The following OPCML variants were observed in gnomAD, a reference collection of about 807,000 sequenced individuals.
The protein encoded by OPCML is opioid binding protein/cell adhesion molecule like.
In OPCML, 13 loss-of-function variants were observed where a neutral mutation model predicts 37.8. The observed-to-expected ratio is 0.34, with a 90% CI of 0.22 to 0.55. OPCML has a LOEUF of 0.55. Ranked by LOEUF, OPCML falls within the 20% of genes least tolerant of loss-of-function variation. The probability of loss-of-function intolerance (pLI) is 0.91; values close to 1 mark genes in which losing one functional copy is unlikely to be tolerated. For synonymous variants in OPCML, 176 were observed against 168.8 expected (o/e 1.04, Z -0.33); for missense variants, 341 against 435.6 (o/e 0.78, Z 1.93).
At chr11:132,739,061 C>T (rs1433980635) in intron 2 of OPCML, among the ~76,000 whole-genome samples, 4 of 152,208 alleles carry the variant, frequency 2.6e-5, no homozygotes, top group African/African-American at 9.7e-5. Context: ...GATAACTCGA[C>T]TCCTATCAGC....
Position 132,650,069 on chromosome 11 carries a change from T to C in OPCML, c.379+7018A>G, listed in dbSNP as rs568365438. ...TCCACCCCACTGTCCATTAAATATG[T>C]GTCCGCTTGACGTGGGTTGTGGAGG... is the stretch of plus-strand genomic sequence containing the variant. On this transcript the variant is annotated intron_variant, in intron 3 of 7. Coordinates refer to ENST00000524381, the MANE Select transcript of OPCML (RefSeq NM_001012393.5). 5.9e-5 allele frequency among the ~76,000 whole-genome samples: 9 copies of C among 152,280 alleles called. No homozygotes were observed. The South Asian group carries it at 1.7e-3, about 28-fold the overall frequency.
chr11:132,436,020 C>A, intron 7 of OPCML, 66 bp downstream of exon 7: 1 of 1,537,304 alleles, frequency 6.5e-7, no homozygotes, highest in Admixed American at 2.0e-5. Context: ...GCAACTTCCT[C>A]CCTCCTGAGT....
At chr11:132,603,317 T>A (rs1938052174) in intron 3 of OPCML, among the ~76,000 whole-genome samples, 1 of 152,204 alleles carries the variant, frequency 6.6e-6, no homozygotes, top group African/African-American at 2.4e-5. Flanking sequence ...ACTCCTGTGC[T>A]TGTATCTTGT....
At chr11:133,343,285 C>T (rs1943918833) in intron 1 of OPCML, among the ~76,000 whole-genome samples, 1 of 152,174 alleles carries the variant, frequency 6.6e-6, no homozygotes, top group South Asian at 2.1e-4. Context: ...CTTTGTGTTG[C>T]CCATCCTCAC....
At chr11:133,488,679 TATCAAATTACCA>T (rs752061298) in intron 1 of OPCML, among the ~76,000 whole-genome samples, 30 of 152,174 alleles carry the variant, frequency 2.0e-4, no homozygotes, top group Admixed American at 5.2e-4. Flanking sequence ...ATGCAATCTT[TATCAAATTACCA>T]ATGTCATTTT....
At chr11:132,560,488 T>A (rs944237996) in intron 3 of OPCML, among the ~76,000 whole-genome samples, 15 of 152,170 alleles carry the variant, frequency 9.9e-5, no homozygotes, top group Admixed American at 9.2e-4. Flanking sequence ...CAATGTGTAG[T>A]CTTTTATTCC....
chr11:133,076,935 G>T (rs1359988188), intron 1 of OPCML, among the ~76,000 whole-genome samples: 1 of 152,110 alleles, frequency 6.6e-6, no homozygotes, highest in African/African-American at 2.4e-5. Flanking sequence ...GAGCTAGTGT[G>T]GGTGACCACT....
At chr11:133,460,784 C>T (rs191452880) in intron 1 of OPCML, among the ~76,000 whole-genome samples, 30 of 151,942 alleles carry the variant, frequency 2.0e-4, no homozygotes, top group South Asian at 4.2e-4. Flanking sequence ...CACCTTAAAC[C>T]GTTCCAAAAA....
At chr11:132,773,429 T>C (rs1946710072) in intron 2 of OPCML, 1 of 152,086 alleles carries the variant, frequency 6.6e-6, no homozygotes, top group Non-Finnish European at 1.5e-5. Context: ...CTGGCAGCGG[T>C]ACATTAACCT....
At chr11:133,426,352 T>C (rs1395348711) in intron 1 of OPCML, among the ~76,000 whole-genome samples, 1 of 152,074 alleles carries the variant, frequency 6.6e-6, no homozygotes, top group Admixed American at 6.5e-5. Flanking sequence ...ACAAAAATGT[T>C]TATTGAGACA....
chr11:132,647,664 T>C (rs1941223522), intron 3 of OPCML, among the ~76,000 whole-genome samples: 1 of 152,120 alleles, frequency 6.6e-6, no homozygotes. Context: ...ATTATTGTCT[T>C]AATGTTGAGT....
intron 3 of OPCML, among the ~76,000 whole-genome samples, chr11:132,536,816 C>T (rs551237284): frequency 1.3e-5 from 2 of 152,256 alleles, no homozygotes; most frequent in Admixed American, 6.5e-5. Flanking sequence ...TTGCAAAAAG[C>T]ACTGCATGAA....
chr11:133,093,814 T>C (rs1215072001), intron 1 of OPCML, among the ~76,000 whole-genome samples: 2 of 151,856 alleles, frequency 1.3e-5, no homozygotes, highest in African/African-American at 2.4e-5. Flanking sequence ...AGTAATGCAG[T>C]GGGAAAAGAA....
At chr11:133,083,324 C>T (rs906618707) in intron 1 of OPCML, among the ~76,000 whole-genome samples, 4 of 152,126 alleles carry the variant, frequency 2.6e-5, no homozygotes, top group Non-Finnish European at 4.4e-5. Flanking sequence ...TGCCCCTCTC[C>T]GAGGCCCCGC....
At chr11:133,513,008 TAAAAC>T (rs1948192089) in intron 1 of OPCML, among the ~76,000 whole-genome samples, 1 of 152,288 alleles carries the variant, frequency 6.6e-6, no homozygotes, top group East Asian at 1.9e-4. Context: ...ACTCTACAAT[TAAAAC>T]AAACCTTTCA....
intron 7 of OPCML, among the ~76,000 whole-genome samples, chr11:132,421,016 G>T (rs2095956866): frequency 6.6e-6 from 1 of 151,612 alleles, no homozygotes; most frequent in Admixed American, 6.6e-5. Flanking sequence ...GCCCCTTCCT[G>T]TATCCCCAAT....
chr11:133,443,636 C>G (rs1463895056), intron 1 of OPCML, among the ~76,000 whole-genome samples: 1 of 152,200 alleles, frequency 6.6e-6, no homozygotes, highest in African/African-American at 2.4e-5. Context: ...ATTATTTCCT[C>G]CAGGCACTAA....
At chr11:132,653,596 C>A (rs183237110) in intron 3 of OPCML, among the ~76,000 whole-genome samples, 97 of 152,258 alleles carry the variant, frequency 6.4e-4, no homozygotes, top group African/African-American at 2.2e-3. Context: ...ATCAGTGACA[C>A]GATTTTAATG....
In OPCML at chr11:133,463,293, T is replaced by C. The variant is rs189413666; in HGVS notation, c.61+68971A>G. Among the ~76,000 whole-genome samples the C allele has an allele frequency of 1.0e-3, 159 of 152,092 alleles. 1 individual carries two copies. The highest frequency in any genetic ancestry group is 3.5e-3 in the African/African-American group (146 of 41,510). ...TGTTTAATGGGTACAGAGTTTCAGTTTGGGAAGATAATAAAAGTTTTGGAG... is the reference window on the plus strand; with the variant it reads ...TGTTTAATGGGTACAGAGTTTCAGTCTGGGAAGATAATAAAAGTTTTGGAG... On this transcript the variant is annotated intron_variant, in intron 1 of 7. Transcript: ENST00000524381.
Sources: gnomAD v4.1 joint callset for allele counts (sites outside exome capture counted in the v4.1 genomes callset) on GRCh38, gnomAD v4.1.1 for gene constraint, MANE v1.5 for transcripts, NCBI Gene and HGNC (gene_info 2026-07-23, HGNC 2026-07-21) for gene names.